Variants in KLHL1 observed in about 807,000 individuals in gnomAD.
KLHL1 encodes kelch-like protein 1.
KLHL1 carries 47 observed loss-of-function variants against 77.7 expected under a neutral mutation model. The ratio of observed to expected loss-of-function variants is 0.60; its 90% CI spans 0.48 to 0.77. KLHL1 has a LOEUF of 0.77. Ranked by LOEUF, KLHL1 falls within the 30% of genes least tolerant of loss-of-function variation. KLHL1 has a pLI of 0.00. For missense variants in KLHL1, 925 were observed against 910.8 expected, an observed-to-expected ratio of 1.02 and a Z score of -0.20; for synonymous variants, 360 against 325.2, an observed-to-expected ratio of 1.11 and a Z score of -1.15.
intron 7 of KLHL1, among the ~76,000 whole-genome samples, chr13:69,761,334 T>C: frequency 6.6e-6 from 1 of 151,820 alleles, no homozygotes; most frequent in East Asian, 1.9e-4. Context: ...GTTTGAACAG[T>C]TGGCTGCCTG....
At chr13:69,897,900 G>T (rs1250802436) in intron 4 of KLHL1, among the ~76,000 whole-genome samples, 2 of 152,174 alleles carry the variant, frequency 1.3e-5, no homozygotes, top group African/African-American at 2.4e-5. Context: ...ATTCCCTGTG[G>T]TTACTGAGTC....
rs73506336 is a variant in KLHL1, at chr13:69,828,268, G to A, written c.1414+10708C>T. Among the ~76,000 whole-genome samples the A allele has an allele frequency of 4.9e-3, 736 of 150,336 alleles. 71 individuals carry two copies. The highest frequency in any genetic ancestry group is 0.018 in the African/African-American group (706 of 40,108). ...AAGTACATATGCTCACCTCACTGAG[G>A]GAACCTGAAAATCCAGATCACAAAG... On this transcript the variant is annotated intron_variant, in intron 6 of 10. Transcript: ENST00000377844.
chr13:69,752,360 G>T (rs1298315998), intron 7 of KLHL1, among the ~76,000 whole-genome samples: 1 of 151,986 alleles, frequency 6.6e-6, no homozygotes, highest in Non-Finnish European at 1.5e-5. Flanking sequence ...TAAAAATATT[G>T]TTCCAGAATC....
At chr13:69,838,787 G>A (rs1451131165) in intron 6 of KLHL1, among the ~76,000 whole-genome samples, 189 bp downstream of exon 6, 2 of 151,726 alleles carry the variant, frequency 1.3e-5, no homozygotes, top group East Asian at 1.9e-4. Flanking sequence ...AAATGAATAA[G>A]GAACTTAAAG....
chr13:69,806,725 G>A (rs1417776779), intron 6 of KLHL1, among the ~76,000 whole-genome samples: 2 of 152,158 alleles, frequency 1.3e-5, no homozygotes, highest in African/African-American at 4.8e-5. Context: ...TCTCAGAAAT[G>A]TTGCTCCAGA....
At chr13:69,777,710 C>A (rs1242208883) in intron 7 of KLHL1, among the ~76,000 whole-genome samples, 1 of 152,084 alleles carries the variant, frequency 6.6e-6, no homozygotes, top group African/African-American at 2.4e-5. Flanking sequence ...TTTTGGAAAT[C>A]ATTCCTAATT....
intron 1 of KLHL1, among the ~76,000 whole-genome samples, chr13:70,106,938 T>C (rs1888074883): frequency 6.6e-6 from 1 of 152,194 alleles, no homozygotes; most frequent in African/African-American, 2.4e-5. Flanking sequence ...CTATTCCACT[T>C]GAAGGCTTAC....
chr13:69,754,083 C>A (rs145853660), intron 7 of KLHL1, among the ~76,000 whole-genome samples: 1,658 of 151,970 alleles, frequency 0.011, 31 homozygotes, highest in African/African-American at 0.037. Context: ...CTCAAGCAAT[C>A]CACCTGCCTC....
intron 6 of KLHL1, among the ~76,000 whole-genome samples, chr13:69,837,069 A>C (rs527815834): frequency 1.6e-3 from 236 of 152,046 alleles, no homozygotes; most frequent in African/African-American, 5.5e-3. Context: ...TTTTAAGACA[A>C]AATTTTTTTG....
intron 1 of KLHL1, among the ~76,000 whole-genome samples, chr13:70,082,785 C>T (rs1887428396): frequency 6.6e-6 from 1 of 152,014 alleles, no homozygotes; most frequent in Non-Finnish European, 1.5e-5. Flanking sequence ...GAACACTATG[C>T]AGCTATAAAA....
At chr13:69,707,486 CA>C in intron 10 of KLHL1, 138 bp downstream of exon 10, 1 of 671,424 alleles carries the variant, frequency 1.5e-6, no homozygotes, top group Non-Finnish European at 2.2e-6. Flanking sequence ...TTTACAAAAT[CA>C]ACACAATATT....
chr13:69,730,726 C>T (rs1011478923), intron 8 of KLHL1, among the ~76,000 whole-genome samples: 1 of 151,974 alleles, frequency 6.6e-6, no homozygotes, highest in Non-Finnish European at 1.5e-5. Context: ...ACTACAGGAG[C>T]ATGCCACCAT....
At chr13:69,960,037 T>G (rs2137268268) in intron 3 of KLHL1, among the ~76,000 whole-genome samples, 1 of 151,934 alleles carries the variant, frequency 6.6e-6, no homozygotes, top group African/African-American at 2.4e-5. Flanking sequence ...ACTTTAAAAC[T>G]ATTAAGACCA....
intron 7 of KLHL1, among the ~76,000 whole-genome samples, chr13:69,778,952 C>T (rs1467661738): frequency 6.6e-6 from 1 of 151,882 alleles, no homozygotes; most frequent in Non-Finnish European, 1.5e-5. Context: ...GCACACGCCA[C>T]CATACCCAGA....
At chr13:69,897,603 C>T (rs1400581324) in intron 4 of KLHL1, among the ~76,000 whole-genome samples, 5 of 152,118 alleles carry the variant, frequency 3.3e-5, no homozygotes, top group African/African-American at 1.2e-4. Flanking sequence ...TCACTAAATG[C>T]CCCCTTCCTC....
At chr13:69,964,379 C>A (rs2081601240) in intron 2 of KLHL1, among the ~76,000 whole-genome samples, 1 of 152,056 alleles carries the variant, frequency 6.6e-6, no homozygotes, top group African/African-American at 2.4e-5. Flanking sequence ...TTCATTCTTA[C>A]AATTGTTTTT....
At chr13:70,075,576 T>C (rs1479819690) in intron 1 of KLHL1, among the ~76,000 whole-genome samples, 3 of 109,210 alleles carry the variant, frequency 2.7e-5, no homozygotes, top group Non-Finnish European at 3.7e-5. Context: ...TGTGTATATA[T>C]ATATATATAT....
At chr13:69,912,533 T>G (rs1455187810) in intron 4 of KLHL1, among the ~76,000 whole-genome samples, 1 of 152,194 alleles carries the variant, frequency 6.6e-6, no homozygotes, top group Non-Finnish European at 1.5e-5. Context: ...AGCACTGAAT[T>G]CTACTTTTTC....
intron 7 of KLHL1, among the ~76,000 whole-genome samples, chr13:69,787,851 T>C (rs1876640659): frequency 6.6e-6 from 1 of 152,106 alleles, no homozygotes; most frequent in South Asian, 2.1e-4. Context: ...GCAAATGATA[T>C]GAACAGACAT....
Sources: gnomAD v4.1 joint callset for allele counts (sites outside exome capture counted in the v4.1 genomes callset) on GRCh38, gnomAD v4.1.1 for gene constraint, MANE v1.5 for transcripts, NCBI Gene and HGNC (gene_info 2026-07-23, HGNC 2026-07-21) for gene names.